The following CDH18 variants were observed in gnomAD, a reference collection of about 807,000 sequenced individuals.
CDH18 encodes cadherin 18.
Under a neutral mutation model 67.9 loss-of-function variants are expected in CDH18, and 31 were observed. The ratio of observed to expected loss-of-function variants is 0.46; its 90% confidence interval spans 0.34 to 0.62. CDH18 has a LOEUF of 0.62. Ranked by LOEUF, CDH18 falls within the 20% of genes least tolerant of loss-of-function variation. The pLI is 0.01. For synonymous variants in CDH18, 362 were observed against 347.2 expected (o/e 1.04, Z -0.48); for missense variants, 890 against 975.5 (o/e 0.91, Z 1.17).
chr5:19,539,649 G>C (rs921716807), intron 9 of CDH18, among the ~76,000 whole-genome samples: 1 of 134,084 alleles, frequency 7.5e-6, no homozygotes, highest in Middle Eastern at 3.8e-3. Context: ...CACAGTCATG[G>C]CAGAAGGCAA....
chr5:20,277,653 G>A (rs1468581670), intron 1 of CDH18, among the ~76,000 whole-genome samples: 1 of 152,094 alleles, frequency 6.6e-6, no homozygotes, highest in Non-Finnish European at 1.5e-5. Context: ...AGGAAAACAT[G>A]ACCTCACTAA....
At chr5:19,959,409 T>G (rs920014395) in intron 2 of CDH18, among the ~76,000 whole-genome samples, 4 of 152,038 alleles carry the variant, frequency 2.6e-5, no homozygotes, top group Non-Finnish European at 5.9e-5. Context: ...ATTAAAATAG[T>G]TTTCAAATAC....
At chr5:20,164,098 T>C (rs577370107) in intron 2 of CDH18, among the ~76,000 whole-genome samples, 1 of 152,318 alleles carries the variant, frequency 6.6e-6, no homozygotes, top group East Asian at 1.9e-4. Flanking sequence ...GGAAACAAGA[T>C]TTAAACCCTG....
At chr5:19,656,900 G>T (rs2150295300) in intron 5 of CDH18, among the ~76,000 whole-genome samples, 1 of 152,020 alleles carries the variant, frequency 6.6e-6, no homozygotes, top group South Asian at 2.1e-4. Flanking sequence ...GTTTGTGTGT[G>T]TGTCGGTGGG....
intron 11 of CDH18, among the ~76,000 whole-genome samples, chr5:19,492,914 T>C (rs1241206384): frequency 6.6e-6 from 1 of 152,152 alleles, no homozygotes; most frequent in East Asian, 1.9e-4. Context: ...TATCTTATAC[T>C]GGAGTACAGA....
At chr5:20,298,388 C>G (rs893656553) in intron 1 of CDH18, among the ~76,000 whole-genome samples, 1 of 152,040 alleles carries the variant, frequency 6.6e-6, no homozygotes, top group East Asian at 1.9e-4. Flanking sequence ...CTACTAAAAT[C>G]GAGACCGGTA....
intron 7 of CDH18, among the ~76,000 whole-genome samples, chr5:19,574,116 C>T (rs3943152): frequency 0.058 from 8,763 of 152,196 alleles, 291 homozygotes; most frequent in Non-Finnish European, 0.074. Context: ...GGCCACCTCC[C>T]GTCCTATCTG....
At chr5:20,458,689 C>T (rs16887107) in intron 1 of CDH18, among the ~76,000 whole-genome samples, 1 of 152,042 alleles carries the variant, frequency 6.6e-6, no homozygotes, top group African/African-American at 2.4e-5. Flanking sequence ...TTTTACATTT[C>T]TTTCAGGAGC....
rs372025755 is a variant in CDH18 at position 19,701,656 on chromosome 5, TAA to T, written c.643+19689_643+19690del. Among the ~76,000 whole-genome samples, 40 of 152,130 alleles carry T rather than the reference TAA, an allele frequency of 2.6e-4. No homozygotes were observed. In the East Asian group the frequency reaches 4.3e-3, roughly 16 times the overall value. On this transcript the variant is annotated intron_variant, in intron 5 of 12. Coordinates refer to ENST00000382275, the MANE Select transcript of CDH18 (RefSeq NM_004934.5). ...TATTGGCTCTATTGTCCAGCAAGAA[TAA>T]AGAGAAGATAGTACCGCTTAGAGAT...
chr5:20,548,467 A>G (rs1038687171), intron 1 of CDH18, among the ~76,000 whole-genome samples: 3 of 107,796 alleles, frequency 2.8e-5, no homozygotes, highest in Admixed American at 9.4e-5. Flanking sequence ...GTGTGTGTGT[A>G]TACACACACA....
intron 2 of CDH18, among the ~76,000 whole-genome samples, chr5:20,026,216 A>G (rs1211644335): frequency 1.3e-5 from 2 of 152,208 alleles, no homozygotes; most frequent in Non-Finnish European, 2.9e-5. Context: ...AGTTTGTCAT[A>G]TGAGAATCCG....
chr5:20,180,239 A>G (rs1406012415), intron 2 of CDH18, among the ~76,000 whole-genome samples: 4 of 152,098 alleles, frequency 2.6e-5, no homozygotes, highest in Admixed American at 2.6e-4. Context: ...GAATGGACTC[A>G]TGGCGGGGGC....
At chr5:19,538,113 G>A (rs1328518215) in intron 9 of CDH18, among the ~76,000 whole-genome samples, 2 of 152,054 alleles carry the variant, frequency 1.3e-5, no homozygotes, top group Non-Finnish European at 2.9e-5. Flanking sequence ...ATTATACCAG[G>A]GACACATAAA....
chr5:20,138,280 A>T (rs977472978), intron 2 of CDH18, among the ~76,000 whole-genome samples: 1 of 152,136 alleles, frequency 6.6e-6, no homozygotes, highest in Non-Finnish European at 1.5e-5. Context: ...CATGCTAAAA[A>T]CTCTCAATAA....
intron 5 of CDH18, among the ~76,000 whole-genome samples, chr5:19,718,779 T>G (rs2150565979): frequency 6.6e-6 from 1 of 152,122 alleles, no homozygotes; most frequent in East Asian, 1.9e-4. Flanking sequence ...CTTTATTCAA[T>G]ATATTAAAGC....
chr5:19,850,468 T>C (rs1391244607), intron 2 of CDH18, among the ~76,000 whole-genome samples: 1 of 151,856 alleles, frequency 6.6e-6, no homozygotes, highest in African/African-American at 2.4e-5. Context: ...AAAATCAAAG[T>C]CATGCATATT....
At chr5:19,675,832 G>C (rs988248867) in intron 5 of CDH18, among the ~76,000 whole-genome samples, 1 of 151,986 alleles carries the variant, frequency 6.6e-6, no homozygotes, top group African/African-American at 2.4e-5. Context: ...TTTATGTTCA[G>C]AGATTGAAGT....
chr5:20,387,736 C>T (rs568943881), intron 1 of CDH18, among the ~76,000 whole-genome samples: 3 of 152,194 alleles, frequency 2.0e-5, no homozygotes, highest in African/African-American at 4.8e-5. Flanking sequence ...TGCTGAGATA[C>T]GTCCCATTGA....
At chr5:19,837,186 A>G (rs1462263090) in intron 3 of CDH18, among the ~76,000 whole-genome samples, 2 of 152,144 alleles carry the variant, frequency 1.3e-5, no homozygotes, top group East Asian at 3.9e-4. Flanking sequence ...ACATGTTCTC[A>G]CTCATAAGTG....
Sources: allele counts gnomAD v4.1 joint callset (sites outside exome capture counted in the v4.1 genomes callset), GRCh38; gene constraint gnomAD v4.1.1; transcripts MANE v1.5; gene names NCBI Gene and HGNC (gene_info 2026-07-23, HGNC 2026-07-21).